The following NKIRAS2 variants were observed in gnomAD, a reference collection of about 807,000 sequenced individuals.
The protein encoded by NKIRAS2 is NFKB inhibitor interacting Ras like 2.
A neutral mutation model predicts 20.7 loss-of-function variants in NKIRAS2; 15 were observed. The observed-to-expected ratio is 0.73, with a 90% CI of 0.49 to 1.12. The LOEUF (loss-of-function observed/expected upper bound fraction) is 1.12. NKIRAS2 is among the 50% of genes most tolerant of loss of function. NKIRAS2 has a pLI of 0.00. For synonymous variants in NKIRAS2, 116 were observed against 101.4 expected, an observed-to-expected ratio of 1.14 and a Z score of -0.87; for missense variants, 196 against 249.6, an observed-to-expected ratio of 0.79 and a Z score of 1.45.
intron 2 of NKIRAS2, chr17:42,022,042 T>C (rs2052464900): frequency 4.3e-6 from 2 of 463,178 alleles, no homozygotes; most frequent in Non-Finnish European, 8.3e-6. Flanking sequence ...AAACCCTGTC[T>C]CTACTAAAAA....
intron 2 of NKIRAS2, chr17:42,021,913 A>T (rs782558097): frequency 5.0e-5 from 35 of 697,526 alleles, no homozygotes; most frequent in South Asian, 4.8e-4. Flanking sequence ...AATTAGCATA[A>T]AATTAATGTC....
At position 42,021,834 on chromosome 17, in the gene NKIRAS2, C is replaced by T. The variant is rs371430299; in HGVS notation, c.94+163C>T. 113 of 768,832 alleles carry T rather than the reference C, an allele frequency of 1.5e-4. No homozygotes were observed. In the African/African-American group the frequency reaches 1.7e-3, roughly 12 times the overall value. 47.6% of individuals were successfully genotyped at this position (768,832 alleles called of 1,614,324 possible). A position where few individuals can be genotyped will look rare whatever the true frequency, so the allele number is the denominator to read the frequency against. On this transcript the variant is annotated intron_variant, in intron 2 of 3. Coordinates refer to ENST00000393885, the MANE Select transcript of NKIRAS2 (RefSeq NM_017595.6). Reference sequence around the variant, plus strand: ...TCAACTCTACAACACTGAACAAATACGGAGGGAGAAAGCCCTATGTCCAAG... The same window carrying T: ...TCAACTCTACAACACTGAACAAATATGGAGGGAGAAAGCCCTATGTCCAAG...
rs1375393835 is a variant in NKIRAS2, at chr17:42,025,529, G to T, written c.*1636G>T. Reference sequence around the variant, plus strand: ...CCCTTCTCAAAGCCAGAGGTGAGTGGGGCAGGTGCCCGGGGCTGGGTGAGT... The same window carrying T: ...CCCTTCTCAAAGCCAGAGGTGAGTGTGGCAGGTGCCCGGGGCTGGGTGAGT... On this transcript the variant is annotated 3_prime_UTR_variant, in exon 4 of 4. Coordinates refer to ENST00000393885, the MANE Select transcript of NKIRAS2 (RefSeq NM_017595.6). The T allele has an allele frequency of 6.6e-6, 1 of 152,454 alleles. No homozygotes were observed. Among genetic ancestry groups the T allele is most frequent in the Non-Finnish European group, 1.5e-5 (1 of 68,018 alleles). The allele number at this position is 152,454 out of a possible 1,614,324, so 9.4% of individuals were successfully genotyped here.
rs2052500436 is a variant in NKIRAS2, at chr17:42,023,244, C to T, written c.337-410C>T. ...AAACTCCTGGACTCAAGCAGTCCAC[C>T]TGCCTCAGCCTCCCAAAGTGTTGGG... is the stretch of plus-strand genomic sequence containing the variant. On this transcript the variant is annotated intron_variant, in intron 3 of 3. Coordinates refer to ENST00000393885, the MANE Select transcript of NKIRAS2 (RefSeq NM_017595.6). 1.8e-5 allele frequency: 4 copies of T among 227,546 alleles called. No individual in the cohort carries two copies. The South Asian group carries it at 1.9e-4, about 11-fold the overall frequency. The allele number at this position is 227,546 out of a possible 1,614,324, so 14.1% of individuals were successfully genotyped here.
At chr17:42,022,288 C>T in intron 2 of NKIRAS2, 111 bp from the exon 3 acceptor site, 1 of 1,150,034 alleles carries the variant, frequency 8.7e-7, no homozygotes, top group Admixed American at 2.3e-5. Context: ...TCTCTGGCCT[C>T]CTCAGCCCCC....
At position 42,020,120 on chromosome 17, in the gene NKIRAS2, G is replaced by A. The variant is rs1452064739; in HGVS notation, c.-99G>A. Reference sequence around the variant, plus strand: ...GGAGCCTACACCGACTCTGGAGGAAGACTGGAGCCTTTGCGGCGGCGCTGC... The same window carrying A: ...GGAGCCTACACCGACTCTGGAGGAAAACTGGAGCCTTTGCGGCGGCGCTGC... On this transcript the variant is annotated 5_prime_UTR_variant, in exon 1 of 4. Transcript: ENST00000393885. 1 of 152,416 alleles carries A rather than the reference G, an allele frequency of 6.6e-6. No homozygotes were observed. Among genetic ancestry groups the A allele is most frequent in the Non-Finnish European group, 1.5e-5 (1 of 68,174 alleles). The allele number at this position is 152,416 out of a possible 1,614,324, so 9.4% of individuals were successfully genotyped here. A position where few individuals can be genotyped will look rare whatever the true frequency, so the allele number is the denominator to read the frequency against.
upstream of NKIRAS2, among the ~76,000 whole-genome samples, chr17:42,019,785 C>T (rs916801293): frequency 6.6e-6 from 1 of 152,240 alleles, no homozygotes. Context: ...TATGGCCCTG[C>T]ACCAGGCACA....
At chr17:42,022,370 C>A in intron 2 of NKIRAS2, 29 bp from the exon 3 acceptor site, 1 of 1,550,142 alleles carries the variant, frequency 6.5e-7, no homozygotes, top group Non-Finnish European at 8.7e-7. Flanking sequence ...TCTCTCTCCA[C>A]TTCAGACAGT....
At chr17:42,017,709 G>C, upstream of NKIRAS2, 1 of 527,802 alleles carries the variant, frequency 1.9e-6, no homozygotes, top group Non-Finnish European at 3.4e-6. Context: ...GCTGCTTTCA[G>C]TATTCCAAGA....
chr17:42,022,546 G>T lies in NKIRAS2; in HGVS notation c.242G>T (p.Gly81Val). 2 of 1,614,114 alleles carry T rather than the reference G, an allele frequency of 1.2e-6. No individual in the cohort carries two copies. Among genetic ancestry groups the T allele is most frequent in the Non-Finnish European group, 1.7e-6 (2 of 1,180,026 alleles). ...CGACACTGCTTCTCTTGCACTGATG[G>T]CTACGTCCTGGTCTATAGCACAGAT... ...LPRHCFSCTD[G>V]YVLVYSTDSR... Residue 81 changes from glycine (G) to valine (V), a missense_variant, in exon 3 of 4, where the codon GGC (glycine) becomes GTC (valine). Coordinates refer to ENST00000393885, the MANE Select transcript of NKIRAS2 (RefSeq NM_017595.6).
At position 42,025,057 on chromosome 17, in the gene NKIRAS2, G is replaced by A. The variant is rs1363526480; in HGVS notation, c.*1164G>A. On this transcript the variant is annotated 3_prime_UTR_variant, in exon 4 of 4. Transcript: ENST00000393885. ...TTAAGGTGCTATGCCAACCAGCCCT[G>A]GAGGCTGGGATCTGCCGCTCCCTCC... The A allele has an allele frequency of 2.0e-5, 3 of 152,532 alleles. No individual in the cohort carries two copies. The highest frequency in any genetic ancestry group is 4.4e-5 in the Non-Finnish European group (3 of 68,042). 9.4% of individuals were successfully genotyped at this position (152,532 alleles called of 1,614,324 possible). A position where few individuals can be genotyped will look rare whatever the true frequency, so the allele number is the denominator to read the frequency against.
At chr17:42,019,200 G>C (rs1289138987), upstream of NKIRAS2, among the ~76,000 whole-genome samples, 1 of 152,086 alleles carries the variant, frequency 6.6e-6, no homozygotes, top group Non-Finnish European at 1.5e-5. Context: ...TTGAGCCCAG[G>C]AGTTAGAGGC....
In NKIRAS2 at chr17:42,024,070, T is replaced by C; in HGVS notation, c.*177T>C. 1 of 948,398 alleles carries C rather than the reference T, an allele frequency of 1.1e-6. No homozygotes were observed. The highest frequency in any genetic ancestry group is 1.5e-6 in the Non-Finnish European group (1 of 657,200). The allele number at this position is 948,398 out of a possible 1,614,324, so 58.7% of individuals were successfully genotyped here. A position where few individuals can be genotyped will look rare whatever the true frequency, so the allele number is the denominator to read the frequency against. On this transcript the variant is annotated 3_prime_UTR_variant, in exon 4 of 4. Coordinates refer to ENST00000393885, the MANE Select transcript of NKIRAS2 (RefSeq NM_017595.6). Reference sequence around the variant, plus strand: ...CACCTCTGGGAAGTGCAAATACTCTTGGTTGACATCCCCTTCCTCAGCCCT... The same window carrying C: ...CACCTCTGGGAAGTGCAAATACTCTCGGTTGACATCCCCTTCCTCAGCCCT...
chr17:42,023,626 A>T (rs1555653547), intron 3 of NKIRAS2, 28 bp from the exon 4 acceptor site: 1 of 1,601,882 alleles, frequency 6.2e-7, no homozygotes. Flanking sequence ...GTACATTCAC[A>T]GGCCTATGCT....
rs782023491 is a variant in NKIRAS2 at position 42,023,689 on chromosome 17, A to G, written c.372A>G (p.Leu124=). ...TIVVLGNKCD[L]QEQRRVDPDV... ...TGGTCCTTGGCAACAAGTGTGACTT[A>G]CAGGAGCAGCGGCGTGTAGACCCAG... Residue 124 remains leucine (L), a synonymous_variant, in exon 4 of 4, where the codon TTA becomes TTG. Transcript: ENST00000393885. The G allele has an allele frequency of 3.1e-6, 5 of 1,614,058 alleles. No individual in the cohort carries two copies. In the African/African-American group the frequency reaches 4.0e-5, roughly 13 times the overall value.
chr17:42,019,243 A>C (rs1381661583), upstream of NKIRAS2, among the ~76,000 whole-genome samples: 1 of 152,222 alleles, frequency 6.6e-6, no homozygotes, highest in Non-Finnish European at 1.5e-5. Context: ...AATGTACTCC[A>C]GCATGGAGAA....
rs181762700 is a variant in NKIRAS2 at position 42,024,254 on chromosome 17, C to T, written c.*361C>T. On this transcript the variant is annotated 3_prime_UTR_variant, in exon 4 of 4. Coordinates refer to ENST00000393885, the MANE Select transcript of NKIRAS2 (RefSeq NM_017595.6). ...TGAGTTCCTATTATAGGTAGGGGCC[C>T]CACCCTCTGGGCTTCCCATCAGCGA... 63 of 294,386 alleles carry T rather than the reference C, an allele frequency of 2.1e-4. No individual in the cohort carries two copies. Among genetic ancestry groups the T allele is most frequent in the African/African-American group, 1.2e-3 (57 of 46,242 alleles). The allele number at this position is 294,386 out of a possible 1,614,324, so 18.2% of individuals were successfully genotyped here.
chr17:42,022,539 A>G lies in NKIRAS2; in HGVS notation c.235A>G (p.Thr79Ala). 6.2e-7 allele frequency: 1 copy of G among 1,614,110 alleles called. No individual in the cohort carries two copies. The highest frequency in any genetic ancestry group is 8.5e-7 in the Non-Finnish European group (1 of 1,180,008). ...AELPRHCFSC[T>A]DGYVLVYSTD... Reference sequence around the variant, plus strand: ...ACTGCCCCGACACTGCTTCTCTTGCACTGATGGCTACGTCCTGGTCTATAG... The same window carrying G: ...ACTGCCCCGACACTGCTTCTCTTGCGCTGATGGCTACGTCCTGGTCTATAG... Residue 79 changes from threonine to alanine, a missense_variant, in exon 3 of 4, where the codon ACT (threonine) becomes GCT (alanine). By Grantham distance (58) the Thr-to-Ala change is moderately conservative (BLOSUM62 0). Coordinates refer to ENST00000393885, the MANE Select transcript of NKIRAS2 (RefSeq NM_017595.6).
At position 42,023,915 on chromosome 17, in the gene NKIRAS2, C is replaced by T. The variant is rs201304904; in HGVS notation, c.*22C>T. ...CTGAAGAGCTGCCGTTCCTCTTTCA[C>T]GATCCCAGCCCCATTTCAGTGTCTG... On this transcript the variant is annotated 3_prime_UTR_variant, in exon 4 of 4. Coordinates refer to ENST00000393885, the MANE Select transcript of NKIRAS2 (RefSeq NM_017595.6). 1.7e-4 allele frequency: 269 copies of T among 1,610,976 alleles called. No homozygotes were observed. In the African/African-American group the frequency reaches 2.8e-3, roughly 17 times the overall value.
Sources: gnomAD v4.1 joint callset for allele counts (sites outside exome capture counted in the v4.1 genomes callset) on GRCh38, gnomAD v4.1.1 for gene constraint, MANE v1.5 for transcripts, NCBI Gene and HGNC (gene_info 2026-07-23, HGNC 2026-07-21) for gene names.